CCNH: variants seen among roughly 807,000 people sequenced by gnomAD.
CCNH encodes cyclin-H.
In CCNH, 31 loss-of-function variants were observed where a neutral mutation model predicts 41.9. That is an observed-to-expected ratio of 0.74 (90% CI 0.56 to 1.00). CCNH has a LOEUF of 1.00. Ranked by LOEUF, CCNH falls within the 50% of genes least tolerant of loss-of-function variation. The pLI is 0.00. For synonymous variants in CCNH, 138 were observed against 136.1 expected, an observed-to-expected ratio of 1.01 and a Z score of -0.10; for missense variants, 362 against 388.4, an observed-to-expected ratio of 0.93 and a Z score of 0.57.
intron 9 of CCNH, chr5:87,346,541 T>G: frequency 3.8e-6 from 2 of 528,596 alleles, no homozygotes; most frequent in South Asian, 2.7e-5. Flanking sequence ...GTAATAAGAA[T>G]GAGATGATTT....
chr5:87,398,836 G>A (rs3093831), intron 7 of CCNH, among the ~76,000 whole-genome samples: 4,840 of 152,104 alleles, frequency 0.032, 161 homozygotes, highest in African/African-American at 0.074. Context: ...AGCTGGGCGT[G>A]GTGGAGGGCG....
At chr5:87,331,561 A>G in intron 9 of CCNH, 1 of 1,548,224 alleles carries the variant, frequency 6.5e-7, no homozygotes, top group Non-Finnish European at 8.9e-7. Flanking sequence ...AATATTCATA[A>G]ATATACCTGT....
chr5:87,388,279 G>A (rs1255118400), downstream of CCNH, among the ~76,000 whole-genome samples: 1 of 151,988 alleles, frequency 6.6e-6, no homozygotes, highest in African/African-American at 2.4e-5. Context: ...ACATTGTTTT[G>A]CAGTTTTTAG....
intron 9 of CCNH, among the ~76,000 whole-genome samples, chr5:87,333,494 G>T (rs944562017): frequency 6.6e-6 from 1 of 152,140 alleles, no homozygotes; most frequent in Non-Finnish European, 1.5e-5. Context: ...GTATCTCTGG[G>T]TTGGCTTATT....
intron 9 of CCNH, among the ~76,000 whole-genome samples, chr5:87,368,437 T>C (rs997932664): frequency 2.6e-5 from 4 of 152,212 alleles, no homozygotes; most frequent in Non-Finnish European, 4.4e-5. Flanking sequence ...TTTTTCATCT[T>C]AACTTTTAGC....
At chr5:87,412,520 AC>A in intron 1 of CCNH, 157 bp downstream of exon 1, 1 of 1,439,150 alleles carries the variant, frequency 6.9e-7, no homozygotes, top group East Asian at 2.5e-5. Context: ...TACCCACGGA[AC>A]CTGGCAAGGT....
upstream of CCNH, among the ~76,000 whole-genome samples, chr5:87,378,721 G>T (rs1761496884): frequency 6.6e-6 from 1 of 152,108 alleles, no homozygotes; most frequent in Non-Finnish European, 1.5e-5. Flanking sequence ...TAAAAAAGAT[G>T]TACTTTATTT....
Position 87,409,304 on chromosome 5 carries a change from G to T in CCNH, c.300C>A (p.His100Gln). 1 of 1,552,986 alleles carries T rather than the reference G, an allele frequency of 6.4e-7. No homozygotes were observed. Among genetic ancestry groups the T allele is most frequent in the Non-Finnish European group, 8.9e-7 (1 of 1,125,874 alleles). ...FYLNNSVMEY[H>Q]PRIIMLTCAF... ...GACATACTCACATTATTATCCTGGGGTGATATTCCATTACTGAGTTATTAA... is the reference window on the plus strand; with the variant it reads ...GACATACTCACATTATTATCCTGGGTTGATATTCCATTACTGAGTTATTAA... The change falls in exon 3 of 9, where the codon CAC (histidine) becomes CAA (glutamine). Residue 100 changes from histidine to glutamine, a missense_variant. His to Gln is a conservative substitution (Grantham distance 24). Coordinates refer to ENST00000256897, the MANE Select transcript of CCNH (RefSeq NM_001239.4).
Position 87,397,630 on chromosome 5 carries a change from G to A in CCNH, c.872+1764C>T, listed in dbSNP as rs3093838. Among the ~76,000 whole-genome samples the A allele has an allele frequency of 2.7e-3, 405 of 152,134 alleles. 5 individuals are homozygous for A. The highest frequency in any genetic ancestry group is 8.5e-3 in the East Asian group (44 of 5,180). ...AAAAAAGTCCTTCGCAGTTTGAGAA[G>A]CACCCCTCAAGTACTCATAGATATT... is the stretch of plus-strand genomic sequence containing the variant. On this transcript the variant is annotated intron_variant, in intron 7 of 8. Transcript: ENST00000256897.
downstream of CCNH, chr5:87,394,185 TG>T: frequency 3.0e-6 from 3 of 1,009,044 alleles, no homozygotes; most frequent in Non-Finnish European, 2.5e-6. Flanking sequence ...TATCATATTT[TG>T]CTTAAAAAAT....
intron 9 of CCNH, among the ~76,000 whole-genome samples, chr5:87,324,704 AC>A (rs1225456005): frequency 6.6e-6 from 1 of 152,132 alleles, no homozygotes; most frequent in Non-Finnish European, 1.5e-5. Flanking sequence ...ATACAAATAT[AC>A]CCAAGAATAC....
At chr5:87,398,387 TTAAATA>T (rs1763128766) in intron 7 of CCNH, among the ~76,000 whole-genome samples, 4 of 152,160 alleles carry the variant, frequency 2.6e-5, no homozygotes, top group African/African-American at 9.7e-5. Flanking sequence ...CAAATACATC[TTAAATA>T]TAAGATGCCA....
At chr5:87,402,737 G>T (rs1200051206) in intron 5 of CCNH, among the ~76,000 whole-genome samples, 1 of 151,922 alleles carries the variant, frequency 6.6e-6, no homozygotes, top group Non-Finnish European at 1.5e-5. Flanking sequence ...TCCATTTCTG[G>T]CTACCAGTAA....
chr5:87,349,137 C>T, intron 9 of CCNH: 2 of 1,528,712 alleles, frequency 1.3e-6, no homozygotes, highest in Non-Finnish European at 1.8e-6. Flanking sequence ...TTTGAATGCA[C>T]TTTGTAATAA....
At chr5:87,337,833 A>T (rs1181406448) in intron 9 of CCNH, 8 of 834,006 alleles carry the variant, frequency 9.6e-6, no homozygotes, top group Non-Finnish European at 1.4e-5. Context: ...CAGAAATAGG[A>T]TACAAATTTA....
At chr5:87,334,739 A>G (rs1433514392) in intron 9 of CCNH, among the ~76,000 whole-genome samples, 1 of 152,230 alleles carries the variant, frequency 6.6e-6, no homozygotes, top group Non-Finnish European at 1.5e-5. Flanking sequence ...TTGATGAGGG[A>G]GTAAAAAATA....
At chr5:87,339,481 C>G (rs1656685810) in intron 9 of CCNH, among the ~76,000 whole-genome samples, 1 of 152,084 alleles carries the variant, frequency 6.6e-6, no homozygotes, top group Admixed American at 6.6e-5. Context: ...TTGGGTTTCC[C>G]TCTCCTTGCT....
intron 9 of CCNH, among the ~76,000 whole-genome samples, chr5:87,325,020 C>T (rs964122871): frequency 1.3e-5 from 2 of 152,076 alleles, no homozygotes; most frequent in Non-Finnish European, 2.9e-5. Flanking sequence ...AAGACAAACC[C>T]GAGATGGGGT....
At chr5:87,404,529 A>G (rs1763646233) in intron 5 of CCNH, among the ~76,000 whole-genome samples, 1 of 152,236 alleles carries the variant, frequency 6.6e-6, no homozygotes. Flanking sequence ...GGGAATAAAG[A>G]TAAAACAAGG....
Sources: allele counts gnomAD v4.1 joint callset (sites outside exome capture counted in the v4.1 genomes callset), GRCh38; gene constraint gnomAD v4.1.1; transcripts MANE v1.5; gene names NCBI Gene and HGNC (gene_info 2026-07-23, HGNC 2026-07-21).